Variants in HKDC1 observed in about 807,000 individuals in gnomAD.
HKDC1 encodes hexokinase domain containing 1, also known as hexokinase HKDC1.
HKDC1 carries 66 observed loss-of-function variants against 96.6 expected under a neutral mutation model. The ratio of observed to expected loss-of-function variants is 0.68; its 90% CI spans 0.56 to 0.84. The LOEUF is 0.84. HKDC1 is among the 40% of genes least tolerant of loss of function. HKDC1 has a pLI of 0.00. For missense variants in HKDC1, 1,211 were observed against 1,208.1 expected (o/e 1.00, Z -0.04); for synonymous variants, 466 against 473.1 (o/e 0.98, Z 0.20).
rs1442651608 is a variant in HKDC1, at chr10:69,233,897, C to CAA, written c.495+776_495+777dup. ...TGGGTGACAGAGCAAGACTCCGTCTCAAAAAAAAAAAAAGGAATGGGGGCA... is the reference window on the plus strand; with the variant it reads ...TGGGTGACAGAGCAAGACTCCGTCTCAAAAAAAAAAAAAAAGGAATGGGGGCA... On this transcript the variant is annotated intron_variant, in intron 4 of 17. Coordinates refer to ENST00000354624, the MANE Select transcript of HKDC1 (RefSeq NM_025130.4). Among the ~76,000 whole-genome samples, 12 of 61,466 alleles carry CAA rather than the reference C, an allele frequency of 2.0e-4. 1 individual carries two copies. Among genetic ancestry groups the CAA allele is most frequent in the Admixed American group, 7.0e-4 (3 of 4,298 alleles). The allele number at this position is 61,466 out of a possible 152,430, so 40.3% of individuals were successfully genotyped here.
At chr10:69,259,772 C>A (rs114303929) in intron 15 of HKDC1, among the ~76,000 whole-genome samples, 1 of 152,044 alleles carries the variant, frequency 6.6e-6, no homozygotes, top group Non-Finnish European at 1.5e-5. Context: ...AAGGGGGAGG[C>A]GTTACACACT....
At position 69,247,350 on chromosome 10, in the gene HKDC1, C is replaced by T. The variant is rs376864542; in HGVS notation, c.1032-10C>T. Reference sequence around the variant, plus strand: ...GAAGTGTCGTTCACTCATTCCTGTCCCCTGGCCAGGTATAAAGAAGGCCTT... The same window carrying T: ...GAAGTGTCGTTCACTCATTCCTGTCTCCTGGCCAGGTATAAAGAAGGCCTT... On this transcript the variant is annotated splice_polypyrimidine_tract_variant and intron_variant, in intron 8 of 17. Coordinates refer to ENST00000354624, the MANE Select transcript of HKDC1 (RefSeq NM_025130.4). 6.3e-7 allele frequency: 1 copy of T among 1,596,946 alleles called. No individual in the cohort carries two copies. Among genetic ancestry groups the T allele is most frequent in the Admixed American group, 1.7e-5 (1 of 59,966 alleles).
chr10:69,237,608 C>G (rs998651427), intron 4 of HKDC1, among the ~76,000 whole-genome samples: 3 of 152,154 alleles, frequency 2.0e-5, no homozygotes, highest in Admixed American at 6.6e-5. Context: ...AACATTCTAT[C>G]GCAAGCATTT....
intron 1 of HKDC1, among the ~76,000 whole-genome samples, chr10:69,222,531 T>C (rs947578942): frequency 1.3e-5 from 2 of 152,216 alleles, no homozygotes; most frequent in Non-Finnish European, 2.9e-5. Context: ...TGCAAACTTA[T>C]TTCATTTCCT....
chr10:69,257,287 A>G, intron 13 of HKDC1, 40 bp from the exon 14 acceptor site: 1 of 1,574,106 alleles, frequency 6.4e-7, no homozygotes, highest in Non-Finnish European at 8.7e-7. Flanking sequence ...TTCAACTCAT[A>G]GTAAAGCTGG....
chr10:69,253,049 T>A (rs1405048479), intron 12 of HKDC1, among the ~76,000 whole-genome samples: 1 of 151,858 alleles, frequency 6.6e-6, no homozygotes, highest in African/African-American at 2.4e-5. Context: ...CACCCAGGCT[T>A]AACTTTATGT....
At chr10:69,247,694 C>T in intron 9 of HKDC1, 101 bp downstream of exon 9, 3 of 855,952 alleles carry the variant, frequency 3.5e-6, no homozygotes, top group Non-Finnish European at 3.7e-6. Context: ...CTGGAACCAA[C>T]AACCCCTCTT....
chr10:69,224,090 C>T lies in HKDC1; in HGVS notation c.64-3117C>T, dbSNP rs542926619. Among the ~76,000 whole-genome samples the T allele has an allele frequency of 1.0e-4, 15 of 150,556 alleles. No individual in the cohort carries two copies. The South Asian group carries it at 3.1e-3, about 31-fold the overall frequency. On this transcript the variant is annotated intron_variant, in intron 1 of 17. Transcript: ENST00000354624. ...GGGCATGGTGGCACATGCCTGTAGT[C>T]CCAGGTACTTGGGAGGCTGAGGTGG...
intron 1 of HKDC1, among the ~76,000 whole-genome samples, chr10:69,221,825 C>A (rs1425915927): frequency 6.6e-6 from 1 of 151,552 alleles, no homozygotes; most frequent in Non-Finnish European, 1.5e-5. Context: ...CCCAACTACT[C>A]GGGAGGCTGC....
At chr10:69,240,423 C>G (rs1036628899) in intron 5 of HKDC1, among the ~76,000 whole-genome samples, 1 of 152,150 alleles carries the variant, frequency 6.6e-6, no homozygotes, top group Non-Finnish European at 1.5e-5. Flanking sequence ...ATTGCAGAGG[C>G]CTTCACCCAC....
chr10:69,248,794 A>C (rs1249657651), intron 10 of HKDC1, 66 bp downstream of exon 10: 3 of 1,437,206 alleles, frequency 2.1e-6, no homozygotes, highest in Non-Finnish European at 2.8e-6. Flanking sequence ...CCTTAAAGCC[A>C]GTGAGGTTCT....
At chr10:69,257,451 G>A (rs1589416038) in intron 14 of HKDC1, 25 bp downstream of exon 14, 14 of 1,508,258 alleles carry the variant, frequency 9.3e-6, no homozygotes, top group Middle Eastern at 3.4e-4. Flanking sequence ...ATGGCCCATT[G>A]GCCTAATCCC....
rs777969815 is a variant in HKDC1, at chr10:69,248,739, A to G, written c.1570+11A>G. Reference sequence around the variant, plus strand: ...TGCCGGACGGCACAGGTGGGCCAGCACAGCCTCCCTCTCTGAACAGCCATC... The same window carrying G: ...TGCCGGACGGCACAGGTGGGCCAGCGCAGCCTCCCTCTCTGAACAGCCATC... On this transcript the variant is annotated intron_variant, in intron 10 of 17. Coordinates refer to ENST00000354624, the MANE Select transcript of HKDC1 (RefSeq NM_025130.4). The G allele has an allele frequency of 2.4e-5, 38 of 1,586,448 alleles. No homozygotes were observed. The highest frequency in any genetic ancestry group is 3.2e-5 in the Non-Finnish European group (37 of 1,163,068).
chr10:69,250,381 G>C lies in HKDC1; in HGVS notation c.1662G>C (p.Met554Ile). Residue 554 changes from methionine (M) to isoleucine (I), a missense_variant, in exon 11 of 18, where the codon ATG becomes ATC. Transcript: ENST00000354624. Reference sequence around the variant, plus strand: ...GAAGTGGACGGAGGTCAGTGCGAATGTACAACAAGATCTTCGCCATCCCCC... The same window carrying C: ...GAAGTGGACGGAGGTCAGTGCGAATCTACAACAAGATCTTCGCCATCCCCC... ...KIRSGRRSVR[M>I]YNKIFAIPLE... The C allele has an allele frequency of 6.2e-7, 1 of 1,614,182 alleles. No individual in the cohort carries two copies. Among genetic ancestry groups the C allele is most frequent in the East Asian group, 2.2e-5 (1 of 44,888 alleles).
Position 69,265,411 on chromosome 10 carries a change from T to C in HKDC1, c.2373-174T>C. The C allele has an allele frequency of 2.4e-5, 15 of 628,298 alleles. No homozygotes were observed. The South Asian group carries it at 2.9e-4, about 12-fold the overall frequency. 38.9% of individuals were successfully genotyped at this position (628,298 alleles called of 1,614,324 possible). ...AAGTTGATGGAACTTCCAGGGGTGGTGGACCTTCTTGAGTCTCGGCTTCTA... is the reference window on the plus strand; with the variant it reads ...AAGTTGATGGAACTTCCAGGGGTGGCGGACCTTCTTGAGTCTCGGCTTCTA... On this transcript the variant is annotated intron_variant, in intron 16 of 17. Transcript: ENST00000354624.
At chr10:69,236,177 C>T (rs557577342) in intron 4 of HKDC1, among the ~76,000 whole-genome samples, 9 of 147,924 alleles carry the variant, frequency 6.1e-5, no homozygotes, top group South Asian at 2.2e-4. Context: ...GGTGTGATCT[C>T]GGCTCACCAC....
chr10:69,225,508 G>C (rs916927024), intron 1 of HKDC1, among the ~76,000 whole-genome samples: 1 of 152,074 alleles, frequency 6.6e-6, no homozygotes, highest in African/African-American at 2.4e-5. Flanking sequence ...TTTGCTAATG[G>C]CTGTCTGATG....
Position 69,232,826 on chromosome 10 carries a change from G to T in HKDC1, c.289G>T (p.Val97Phe), listed in dbSNP as rs1564726599. Reference protein sequence around the residue: ...GSKFRVLKVQVAEEGKRHVQM... With the variant: ...GSKFRVLKVQFAEEGKRHVQM... Reference sequence around the variant, plus strand: ...CAAGTTCCGAGTGCTGAAGGTGCAAGTCGCTGAAGAGGGGAAGCGACACGT... The same window carrying T: ...CAAGTTCCGAGTGCTGAAGGTGCAATTCGCTGAAGAGGGGAAGCGACACGT... Residue 97 changes from valine (V) to phenylalanine (F), a missense_variant, in exon 3 of 18, where the codon GTC (valine) becomes TTC (phenylalanine). Val to Phe is a conservative substitution (Grantham distance 50). Transcript: ENST00000354624. The T allele has an allele frequency of 6.2e-7, 1 of 1,614,174 alleles. No homozygotes were observed. The highest frequency in any genetic ancestry group is 8.5e-7 in the Non-Finnish European group (1 of 1,180,042).
chr10:69,253,118 T>C (rs1164797783), intron 12 of HKDC1, among the ~76,000 whole-genome samples: 1 of 152,074 alleles, frequency 6.6e-6, no homozygotes, highest in Non-Finnish European at 1.5e-5. Context: ...GTATTGTGTG[T>C]TTTTTGCATG....
Sources: allele counts gnomAD v4.1 joint callset (sites outside exome capture counted in the v4.1 genomes callset), GRCh38; gene constraint gnomAD v4.1.1; transcripts MANE v1.5; gene names NCBI Gene and HGNC (gene_info 2026-07-23, HGNC 2026-07-21).